The following ANKMY1 variants were observed in gnomAD, a reference collection of about 807,000 sequenced individuals.
ANKMY1 encodes the protein ankyrin repeat and MYND domain-containing protein 1.
ANKMY1 carries 98 observed loss-of-function variants against 102.0 expected under a neutral mutation model. That is an observed-to-expected ratio of 0.96 (90% CI 0.82 to 1.14). ANKMY1 has a LOEUF of 1.14. Ranked by LOEUF, ANKMY1 falls within the 50% of genes most tolerant of loss-of-function variation. ANKMY1 has a pLI of 0.00. For missense variants in ANKMY1, 1,330 were observed against 1,347.6 expected (o/e 0.99, Z 0.20); for synonymous variants, 582 against 559.9 (o/e 1.04, Z -0.56).
intron 4 of ANKMY1, among the ~76,000 whole-genome samples, chr2:240,534,082 C>T (rs1363478958): frequency 3.9e-5 from 6 of 152,200 alleles, no homozygotes; most frequent in Admixed American, 3.3e-4. Context: ...GTGCCTTTAT[C>T]CAGCTTCTCC....
intron 6 of ANKMY1, 166 bp downstream of exon 6, chr2:240,526,063 T>G (rs1415644879): frequency 1.0e-6 from 1 of 992,564 alleles, no homozygotes; most frequent in African/African-American, 1.6e-5. Context: ...AGTGTCACAC[T>G]CAGCTGAGTG....
At chr2:240,503,900 G>A (rs930836812) in intron 13 of ANKMY1, among the ~76,000 whole-genome samples, 2 of 152,230 alleles carry the variant, frequency 1.3e-5, no homozygotes, top group South Asian at 4.1e-4. Context: ...TTTGGCTGCA[G>A]AGACAGACAT....
At chr2:240,472,920 T>A in the ANKMY1 span, among the ~76,000 whole-genome samples, 1 of 151,190 alleles carries the variant, frequency 6.6e-6, no homozygotes, top group African/African-American at 2.4e-5. Context: ...AGGTCAGGAG[T>A]TCGAGACCAG....
At chr2:240,500,642 G>T in intron 13 of ANKMY1, 77 bp from the exon 14 acceptor site, 1 of 1,324,124 alleles carries the variant, frequency 7.6e-7, no homozygotes, top group Admixed American at 1.8e-5. Flanking sequence ...GCCTGAGAAG[G>T]GCCATGGTCA....
intron 4 of ANKMY1, among the ~76,000 whole-genome samples, chr2:240,549,176 A>G (rs2091034045): frequency 2.0e-5 from 3 of 151,742 alleles, no homozygotes; most frequent in Non-Finnish European, 2.9e-5. Context: ...GATATAGATC[A>G]ATGGAACAGA....
At chr2:240,550,959 G>T (rs2091412605) in intron 4 of ANKMY1, among the ~76,000 whole-genome samples, 3 of 152,122 alleles carry the variant, frequency 2.0e-5, no homozygotes, top group Admixed American at 2.0e-4. Flanking sequence ...TGCTTCTTTG[G>T]GGGAGTTCCT....
chr2:240,499,829 C>G lies in ANKMY1; in HGVS notation c.2806+129G>C. On this transcript the variant is annotated intron_variant, in intron 15 of 17. Coordinates refer to ENST00000401804, the MANE Select transcript of ANKMY1 (RefSeq NM_001282771.3). The surrounding 1 kb of genome is among the most constrained non-coding windows in gnomAD (Gnocchi z 4.2). ...ACGACGGGACACAAAGGGGACAAGC[C>G]GACGAGCCCAGCCCCAGGAAGGCCC... 1 of 1,241,558 alleles carries G rather than the reference C, an allele frequency of 8.1e-7. No homozygotes were observed. Among genetic ancestry groups the G allele is most frequent in the Non-Finnish European group, 1.1e-6 (1 of 920,068 alleles). 76.9% of individuals were successfully genotyped at this position (1,241,558 alleles called of 1,614,324 possible). A position where few individuals can be genotyped will look rare whatever the true frequency, so the allele number is the denominator to read the frequency against.
At chr2:240,517,466 G>A (rs1210504374) in intron 9 of ANKMY1, among the ~76,000 whole-genome samples, 13 of 152,170 alleles carry the variant, frequency 8.5e-5, no homozygotes. Flanking sequence ...TAGAGTCTGA[G>A]ATTCCTTGTG....
At chr2:240,518,971 G>A (rs1163418035) in intron 9 of ANKMY1, among the ~76,000 whole-genome samples, 1 of 152,238 alleles carries the variant, frequency 6.6e-6, no homozygotes, top group Non-Finnish European at 1.5e-5. Flanking sequence ...CAACTGGCAA[G>A]GCTGGTGCCC....
intron 15 of ANKMY1, among the ~76,000 whole-genome samples, chr2:240,491,614 T>C (rs1181034854): frequency 6.6e-6 from 1 of 152,222 alleles, no homozygotes; most frequent in African/African-American, 2.4e-5. Flanking sequence ...AGTAATGAAT[T>C]ACCTCACCAT....
At chr2:240,501,868 G>C (rs1323777110) in intron 13 of ANKMY1, among the ~76,000 whole-genome samples, 1 of 152,216 alleles carries the variant, frequency 6.6e-6, no homozygotes, top group Non-Finnish European at 1.5e-5. Context: ...CAGAGGAGGA[G>C]GCTGCTTTCC....
chr2:240,525,537 G>T, intron 7 of ANKMY1, 148 bp downstream of exon 7: 1 of 1,018,450 alleles, frequency 9.8e-7, no homozygotes, highest in Non-Finnish European at 1.4e-6. Flanking sequence ...GGATGCCCAG[G>T]CTCTGTCTCT....
intron 12 of ANKMY1, among the ~76,000 whole-genome samples, chr2:240,509,084 G>C (rs1055893916): frequency 1.3e-5 from 2 of 152,004 alleles, no homozygotes; most frequent in Non-Finnish European, 2.9e-5. Flanking sequence ...TGAGTAGATG[G>C]ATAAGTGGAT....
intron 10 of ANKMY1, among the ~76,000 whole-genome samples, 187 bp downstream of exon 10, chr2:240,512,615 T>C (rs2080432208): frequency 6.6e-6 from 1 of 152,254 alleles, no homozygotes; most frequent in Admixed American, 6.5e-5. Context: ...CCTCTTGATA[T>C]CAAAACAAGC....
intron 8 of ANKMY1, among the ~76,000 whole-genome samples, chr2:240,521,501 T>TC (rs1310197093): frequency 1.5e-5 from 2 of 135,270 alleles, no homozygotes; most frequent in African/African-American, 5.6e-5. Flanking sequence ...CTTTTTTTTT[T>TC]TTTTTTTTTT....
upstream of ANKMY1, among the ~76,000 whole-genome samples, chr2:240,559,459 G>A (rs751635640): frequency 2.0e-5 from 3 of 152,208 alleles, no homozygotes; most frequent in Non-Finnish European, 2.9e-5. Flanking sequence ...TCCTTCATGG[G>A]TTATTAGACA....
At chr2:240,475,896 A>G (rs1304788134), downstream of ANKMY1, among the ~76,000 whole-genome samples, 1 of 152,212 alleles carries the variant, frequency 6.6e-6, no homozygotes. Flanking sequence ...ATGGATTGGA[A>G]GAATACTGTT....
At chr2:240,532,261 T>G (rs1349290871) in intron 4 of ANKMY1, 3 of 332,636 alleles carry the variant, frequency 9.0e-6, no homozygotes, top group Non-Finnish European at 1.9e-5. Flanking sequence ...AACAATGGAG[T>G]AGAATCTTCA....
chr2:240,538,470 C>T (rs577570001), intron 4 of ANKMY1, among the ~76,000 whole-genome samples: 34 of 152,288 alleles, frequency 2.2e-4, no homozygotes, highest in Non-Finnish European at 4.4e-4. Context: ...ACTGCCAGCC[C>T]GCCAGCGCTG....
Sources: allele counts gnomAD v4.1 joint callset (sites outside exome capture counted in the v4.1 genomes callset), GRCh38; gene constraint gnomAD v4.1.1; non-coding constraint Gnocchi (gnomAD v3.1); transcripts MANE v1.5; gene names NCBI Gene and HGNC (gene_info 2026-07-23, HGNC 2026-07-21).